CDH2: variants seen among roughly 807,000 people sequenced by gnomAD.
CDH2 encodes cadherin-2.
CDH2 carries 17 observed loss-of-function variants against 92.0 expected under a neutral mutation model. The ratio of observed to expected loss-of-function variants is 0.18; its 90% CI spans 0.13 to 0.28. CDH2 has a LOEUF of 0.28. CDH2 is among the 10% of genes least tolerant of loss of function. The probability of loss-of-function intolerance (pLI) is 1.00; values close to 1 mark genes in which losing one functional copy is unlikely to be tolerated. For synonymous variants in CDH2, 419 were observed against 415.9 expected (o/e 1.01, Z -0.09); for missense variants, 862 against 1,133.1 (o/e 0.76, Z 3.44).
At chr18:28,166,071 G>C (rs951857755) in intron 1 of CDH2, among the ~76,000 whole-genome samples, 1 of 147,836 alleles carries the variant, frequency 6.8e-6, no homozygotes, top group African/African-American at 2.5e-5. Flanking sequence ...TGACGTTTGA[G>C]GAAGCTGTCT....
chr18:28,045,406 C>T (rs1016951017), intron 2 of CDH2: 4 of 467,996 alleles, frequency 8.5e-6, no homozygotes, highest in African/African-American at 8.0e-5. Context: ...AAAAGAAAGA[C>T]CTACTCCTTT....
intron 14 of CDH2, among the ~76,000 whole-genome samples, chr18:27,967,887 C>T (rs568923338): frequency 6.6e-6 from 1 of 152,180 alleles, no homozygotes; most frequent in South Asian, 2.1e-4. Context: ...GGTTATGCTA[C>T]AATAAAATAA....
At position 27,990,386 on chromosome 18, in the gene CDH2, A is replaced by G. The variant is rs988206882; in HGVS notation, c.1345-36T>C. The G allele has an allele frequency of 1.9e-6, 3 of 1,584,160 alleles. No individual in the cohort carries two copies. In the African/African-American group the frequency reaches 4.1e-5, roughly 21 times the overall value. On this transcript the variant is annotated intron_variant, in intron 9 of 15. Transcript: ENST00000269141. ...AAAGGGAAGCCATATTTTTGCAGGAAATAAGAATGCTTGCATTCTGTAGTT... is the reference window on the plus strand; with the variant it reads ...AAAGGGAAGCCATATTTTTGCAGGAGATAAGAATGCTTGCATTCTGTAGTT...
chr18:28,082,716 T>C (rs758684141), intron 2 of CDH2, among the ~76,000 whole-genome samples: 29 of 152,202 alleles, frequency 1.9e-4, no homozygotes, highest in Non-Finnish European at 2.6e-4. Flanking sequence ...GCTGCCTTAA[T>C]TGAACTTGAG....
At chr18:28,001,547 T>C (rs973806259) in intron 7 of CDH2, among the ~76,000 whole-genome samples, 1 of 152,198 alleles carries the variant, frequency 6.6e-6, no homozygotes, top group East Asian at 1.9e-4. Context: ...TATCGGCATA[T>C]AAAAATAGTA....
At chr18:28,029,625 C>G (rs2013643895) in intron 2 of CDH2, among the ~76,000 whole-genome samples, 1 of 152,042 alleles carries the variant, frequency 6.6e-6, no homozygotes, top group South Asian at 2.1e-4. Flanking sequence ...AATGATTACA[C>G]TTCTATTTCA....
chr18:28,175,073 T>C (rs1389311542), intron 1 of CDH2, among the ~76,000 whole-genome samples: 1 of 152,122 alleles, frequency 6.6e-6, no homozygotes, highest in East Asian at 1.9e-4. Context: ...CAGCCTAACC[T>C]CTTTAATAAA....
Position 27,952,261 on chromosome 18 carries a change from G to A in CDH2, c.2613C>T (p.Ser871=). ...EGSGSTAGSL[S]SLNSSSSGGE... ...CACCACTACTTGAGGAATTAAGGGA[G>A]CTCAAGGACCCAGCAGTGGAGCCAC... The change falls in exon 16 of 16, where the codon AGC becomes AGT. Residue 871 remains serine (S), a synonymous_variant. Coordinates refer to ENST00000269141, the MANE Select transcript of CDH2 (RefSeq NM_001792.5). The A allele has an allele frequency of 6.2e-7, 1 of 1,613,536 alleles. No homozygotes were observed. The highest frequency in any genetic ancestry group is 8.5e-7 in the Non-Finnish European group (1 of 1,179,616).
Position 27,990,366 on chromosome 18 carries a change from G to C in CDH2, c.1345-16C>G. The C allele has an allele frequency of 6.3e-7, 1 of 1,599,026 alleles. No individual in the cohort carries two copies. The highest frequency in any genetic ancestry group is 8.5e-7 in the Non-Finnish European group (1 of 1,171,030). ...AGTCGATTGGCTGGAAAATAAAAGG[G>C]AAGCCATATTTTTGCAGGAAATAAG... On this transcript the variant is annotated splice_polypyrimidine_tract_variant and intron_variant, in intron 9 of 15. Transcript: ENST00000269141.
chr18:28,067,839 G>A (rs1207575289), intron 2 of CDH2, among the ~76,000 whole-genome samples: 1 of 151,944 alleles, frequency 6.6e-6, no homozygotes, highest in East Asian at 1.9e-4. Context: ...TCTTAAGTAA[G>A]GTATATCATC....
chr18:28,106,271 G>T (rs2015319381), intron 2 of CDH2, among the ~76,000 whole-genome samples: 1 of 152,102 alleles, frequency 6.6e-6, no homozygotes, highest in African/African-American at 2.4e-5. Context: ...ACAAAAATTA[G>T]CAGGGCATGG....
intron 2 of CDH2, among the ~76,000 whole-genome samples, chr18:28,120,367 C>T (rs1169124131): frequency 6.6e-6 from 1 of 152,022 alleles, no homozygotes; most frequent in African/African-American, 2.4e-5. Flanking sequence ...CCTCTCAAGT[C>T]ATTCAACCAG....
intron 6 of CDH2, among the ~76,000 whole-genome samples, chr18:27,940,697 C>A (rs531242159): frequency 1.3e-5 from 2 of 152,062 alleles, no homozygotes; most frequent in African/African-American, 4.8e-5. Flanking sequence ...GGACTAGTCA[C>A]GTGAGAAATA....
At chr18:27,989,423 T>C (rs949542805) in intron 10 of CDH2, among the ~76,000 whole-genome samples, 18 of 152,282 alleles carry the variant, frequency 1.2e-4, no homozygotes, top group African/African-American at 4.3e-4. Context: ...AATAGAGAAA[T>C]GGAGAACATT....
chr18:28,076,690 C>G (rs2014725877), intron 2 of CDH2, among the ~76,000 whole-genome samples: 1 of 131,920 alleles, frequency 7.6e-6, no homozygotes, highest in African/African-American at 2.8e-5. Context: ...TCCCTCCCCC[C>G]TCCCCCCACC....
intron 15 of CDH2, among the ~76,000 whole-genome samples, chr18:27,961,278 T>TTTAAG (rs750729418): frequency 4.6e-5 from 7 of 150,704 alleles, no homozygotes; most frequent in East Asian, 1.9e-4. Context: ...ATACTAGATG[T>TTTAAG]TTAAGTTATA....
chr18:28,064,830 T>C (rs2014475944), intron 2 of CDH2, among the ~76,000 whole-genome samples: 1 of 152,118 alleles, frequency 6.6e-6, no homozygotes, highest in Non-Finnish European at 1.5e-5. Flanking sequence ...TGTTTTCAAA[T>C]TGCAACCTTG....
rs762349671 is a variant in CDH2 at position 27,990,079 on chromosome 18, AC to A, written c.1598+17del. The A allele has an allele frequency of 6.2e-7, 1 of 1,610,142 alleles. No individual in the cohort carries two copies. The highest frequency in any genetic ancestry group is 8.5e-7 in the Non-Finnish European group (1 of 1,176,472). On this transcript the variant is annotated intron_variant, in intron 10 of 15. Transcript: ENST00000269141. ...AACATAAGTAAGCTACAAAAACACT[AC>A]AAACAGCATTTCATACCTAATATTT... is the stretch of plus-strand genomic sequence containing the variant.
Position 27,952,244 on chromosome 18 carries a change from C to T in CDH2, c.2630G>A (p.Ser877Asn), listed in dbSNP as rs138164198. 1 of 1,613,624 alleles carries T rather than the reference C, an allele frequency of 6.2e-7. No individual in the cohort carries two copies. The highest frequency in any genetic ancestry group is 1.3e-5 in the African/African-American group (1 of 74,992). The change falls in exon 16 of 16, where the codon AGT becomes AAT. Residue 877 changes from serine to asparagine, a missense_variant. This residue lies in a region of CDH2 where 114 missense variants were observed against 144.8 expected (regional missense o/e 0.79). Transcript: ENST00000269141. ...AGSLSSLNSS[S>N]SGGEQDYDYL... is the part of the protein sequence containing the mutation. ...ATCATAGTCCTGCTCACCACCACTA[C>T]TTGAGGAATTAAGGGAGCTCAAGGA...
Sources: gnomAD v4.1 joint callset for allele counts (sites outside exome capture counted in the v4.1 genomes callset) on GRCh38, gnomAD v4.1.1 for gene constraint, gnomAD v4.1.1 regional missense constraint, MANE v1.5 for transcripts, NCBI Gene and HGNC (gene_info 2026-07-23, HGNC 2026-07-21) for gene names.